The following FBXO6 variants were observed in gnomAD, a reference collection of about 807,000 sequenced individuals.
FBXO6 encodes the protein F-box only protein 6.
FBXO6 carries 13 observed loss-of-function variants against 25.0 expected under a neutral mutation model. That is an observed-to-expected ratio of 0.52 (90% CI 0.34 to 0.83). The LOEUF is 0.83. Among genes scored for constraint, FBXO6 ranks in the 40% least tolerant of loss-of-function variants. The pLI is 0.02. For missense variants in FBXO6, 370 were observed against 380.2 expected (o/e 0.97, Z 0.22); for synonymous variants, 138 against 155.3 (o/e 0.89, Z 0.83).
chr1:11,668,551 C>G, intron 1 of FBXO6, 105 bp from the exon 2 acceptor site: 1 of 1,415,304 alleles, frequency 7.1e-7, no homozygotes, highest in Non-Finnish European at 9.5e-7. Flanking sequence ...CATGTGCCAC[C>G]ACACCTGGCT....
intron 4 of FBXO6, among the ~76,000 whole-genome samples, chr1:11,672,857 G>C (rs533768848): frequency 3.9e-5 from 6 of 152,328 alleles, no homozygotes; most frequent in East Asian, 1.9e-4. Flanking sequence ...AGAGCTGCAG[G>C]GGGGAGAGGT....
At chr1:11,664,886 C>CG (rs1013727657) in intron 1 of FBXO6, among the ~76,000 whole-genome samples, 76 of 150,810 alleles carry the variant, frequency 5.0e-4, no homozygotes, top group South Asian at 2.1e-3. Context: ...TGCCCAGGGC[C>CG]GGGGGGGGGA....
At chr1:11,670,494 A>C (rs1290492861) in intron 2 of FBXO6, among the ~76,000 whole-genome samples, 1 of 151,774 alleles carries the variant, frequency 6.6e-6, no homozygotes, top group Non-Finnish European at 1.5e-5. Flanking sequence ...CCCATCCTCT[A>C]GGGCCTCCAA....
chr1:11,667,685 T>A (rs576268286), intron 1 of FBXO6, among the ~76,000 whole-genome samples: 1 of 152,038 alleles, frequency 6.6e-6, no homozygotes, highest in Admixed American at 6.6e-5. Context: ...TCCCATGGGG[T>A]TGTTTTATCA....
Position 11,673,144 on chromosome 1 carries a change from G to A in FBXO6, c.510-133G>A. The A allele has an allele frequency of 8.8e-7, 1 of 1,132,626 alleles. No individual in the cohort carries two copies. The highest frequency in any genetic ancestry group is 1.2e-6 in the Non-Finnish European group (1 of 822,034). The allele number at this position is 1,132,626 out of a possible 1,614,324, so 70.2% of individuals were successfully genotyped here. ...GGCATAGGGAGCGCTGAAGCCAGCTGGGCCTTGCAGGCAGAGCAGTGTCAG... is the reference window on the plus strand; with the variant it reads ...GGCATAGGGAGCGCTGAAGCCAGCTAGGCCTTGCAGGCAGAGCAGTGTCAG... On this transcript the variant is annotated intron_variant, in intron 4 of 5. Coordinates refer to ENST00000376753, the MANE Select transcript of FBXO6 (RefSeq NM_018438.6). This position sits in a 1 kb window ranked among gnomAD's most constrained non-coding sequence, Gnocchi z 4.3.
chr1:11,668,347 G>A (rs1294120618), intron 1 of FBXO6, among the ~76,000 whole-genome samples: 1 of 151,256 alleles, frequency 6.6e-6, no homozygotes. Flanking sequence ...TCTTTCCACT[G>A]AGGGGCTACT....
chr1:11,673,387 A>G lies in FBXO6; in HGVS notation c.620A>G (p.Gln207Arg). 2 of 1,614,048 alleles carry G rather than the reference A, an allele frequency of 1.2e-6. No individual in the cohort carries two copies. The highest frequency in any genetic ancestry group is 2.2e-5 in the East Asian group (1 of 44,880). ...SFEPPPVTIQ[Q>R]WNNATWTEVS... Reference sequence around the variant, plus strand: ...GAGCCCCCACCTGTGACCATCCAACAGTGGAACAATGCCACATGGACAGAG... The same window carrying G: ...GAGCCCCCACCTGTGACCATCCAACGGTGGAACAATGCCACATGGACAGAG... Residue 207 changes from glutamine to arginine, a missense_variant, in exon 5 of 6, where the codon CAG becomes CGG. Coordinates refer to ENST00000376753, the MANE Select transcript of FBXO6 (RefSeq NM_018438.6). This position sits in a 1 kb window ranked among gnomAD's most constrained non-coding sequence, Gnocchi z 4.3.
intron 1 of FBXO6, among the ~76,000 whole-genome samples, chr1:11,668,091 C>CA (rs371283288): frequency 0.77 from 93,955 of 122,144 alleles, 35,160 homozygotes; most frequent in East Asian, 0.92. Context: ...GACTCTGTCT[C>CA]AAAAAAAAAA....
chr1:11,673,369 CACCT>C lies in FBXO6; in HGVS notation c.603_606del (p.Pro202Ter). 4.3e-6 allele frequency: 7 copies of C among 1,614,092 alleles called. No homozygotes were observed. The highest frequency in any genetic ancestry group is 5.9e-6 in the Non-Finnish European group (7 of 1,180,032). ...TTCGTGTTGGCCTCCTTCGAGCCCC[CACCT>C]GTGACCATCCAACAGTGGAACAATG... On this transcript the variant is annotated frameshift_variant, in exon 5 of 6. Coordinates refer to ENST00000376753, the MANE Select transcript of FBXO6 (RefSeq NM_018438.6). LOFTEE classifies it low-confidence loss of function (END_TRUNC). The surrounding 1 kb of genome is among the most constrained non-coding windows in gnomAD (Gnocchi z 4.3).
chr1:11,668,389 GCTC>G, intron 1 of FBXO6, among the ~76,000 whole-genome samples: 1 of 142,144 alleles, frequency 7.0e-6, no homozygotes, highest in South Asian at 2.2e-4. Flanking sequence ...CCTCAGAAAT[GCTC>G]TTTTGTGGGT....
chr1:11,669,833 T>C (rs1164293008), intron 2 of FBXO6, among the ~76,000 whole-genome samples: 7 of 149,230 alleles, frequency 4.7e-5, no homozygotes, highest in East Asian at 2.1e-4. Context: ...GATGAGGTTT[T>C]GCCATGTTGG....
chr1:11,665,148 G>T (rs528167740), intron 1 of FBXO6, among the ~76,000 whole-genome samples: 1 of 149,002 alleles, frequency 6.7e-6, no homozygotes, highest in Admixed American at 6.7e-5. Context: ...GGGCTCAAGC[G>T]TTCCTCCTGC....
At chr1:11,666,098 G>A (rs1041132754) in intron 1 of FBXO6, among the ~76,000 whole-genome samples, 10 of 144,038 alleles carry the variant, frequency 6.9e-5, no homozygotes, top group Admixed American at 1.4e-4. Flanking sequence ...GAGTGCCATG[G>A]AGCAATCATG....
intron 1 of FBXO6, among the ~76,000 whole-genome samples, chr1:11,665,215 CT>C (rs541103021): frequency 0.034 from 2,083 of 61,406 alleles, 2 homozygotes; most frequent in African/African-American, 0.066. Flanking sequence ...TAGCTAATTT[CT>C]TTTTTTTTTT....
chr1:11,672,318 G>A (rs1391487555), intron 4 of FBXO6, among the ~76,000 whole-genome samples: 7 of 151,454 alleles, frequency 4.6e-5, no homozygotes, highest in Non-Finnish European at 1.0e-4. Context: ...ACGGAGTCTC[G>A]CTCTGTCACC....
rs751518946 is a variant in FBXO6, at chr1:11,673,245, C to G, written c.510-32C>G. The G allele has an allele frequency of 6.3e-7, 1 of 1,597,112 alleles. No individual in the cohort carries two copies. Among genetic ancestry groups the G allele is most frequent in the South Asian group, 1.1e-5 (1 of 88,234 alleles). On this transcript the variant is annotated intron_variant, in intron 4 of 5. Transcript: ENST00000376753. The surrounding 1 kb of genome is among the most constrained non-coding windows in gnomAD (Gnocchi z 4.3). ...CACCCCTGGGGCCAGCCCTCGGTGGCTTGGACACAGGGCTCTCAACCCCTC... is the reference window on the plus strand; with the variant it reads ...CACCCCTGGGGCCAGCCCTCGGTGGGTTGGACACAGGGCTCTCAACCCCTC...
At chr1:11,671,529 G>C in intron 3 of FBXO6, 137 bp downstream of exon 3, 1 of 1,209,088 alleles carries the variant, frequency 8.3e-7, no homozygotes, top group Non-Finnish European at 1.2e-6. Context: ...AACTTGCCCA[G>C]AGTCACTGCT....
Position 11,673,520 on chromosome 1 carries a change from T to C in FBXO6, c.646-95T>C. The C allele has an allele frequency of 6.4e-7, 1 of 1,572,234 alleles. No homozygotes were observed. Among genetic ancestry groups the C allele is most frequent in the Non-Finnish European group, 8.7e-7 (1 of 1,154,176 alleles). ...GGGTGCCCCTGCTGGCCTGGAGCTG[T>C]TGCCTTCCAGCCTGGGCAGCTCTCT... On this transcript the variant is annotated intron_variant, in intron 5 of 5. Coordinates refer to ENST00000376753, the MANE Select transcript of FBXO6 (RefSeq NM_018438.6). This position sits in a 1 kb window ranked among gnomAD's most constrained non-coding sequence, Gnocchi z 4.3.
At position 11,673,295 on chromosome 1, in the gene FBXO6, CTG is replaced by C. The variant is rs746004041; in HGVS notation, c.531_532del (p.Cys177TrpfsTer14). ...CCACCAGGTTTGCTGCCAGAGCCGA[CTG>C]TGGCTGCACCTACCAACTCAAAGTG... ...VKDWFAARAD[C>X]GCTYQLKVQL... On this transcript the variant is annotated frameshift_variant, in exon 5 of 6. Transcript: ENST00000376753. LOFTEE classifies it high-confidence loss of function. The surrounding 1 kb of genome is among the most constrained non-coding windows in gnomAD (Gnocchi z 4.3). 4 of 1,613,664 alleles carry C rather than the reference CTG, an allele frequency of 2.5e-6. No homozygotes were observed. The East Asian group carries it at 8.9e-5, about 36-fold the overall frequency.
Sources: allele counts gnomAD v4.1 joint callset (sites outside exome capture counted in the v4.1 genomes callset), GRCh38; gene constraint gnomAD v4.1.1; non-coding constraint Gnocchi (gnomAD v3.1); transcripts MANE v1.5; gene names NCBI Gene and HGNC (gene_info 2026-07-23, HGNC 2026-07-21).